Variants in NUP153 observed in about 807,000 individuals in gnomAD.
NUP153 encodes the protein nucleoporin 153.
A neutral mutation model predicts 134.6 loss-of-function variants in NUP153; 27 were observed. The ratio of observed to expected loss-of-function variants is 0.20; its 90% CI spans 0.15 to 0.28. NUP153 has a LOEUF of 0.28. Ranked by LOEUF, NUP153 falls within the 10% of genes least tolerant of loss-of-function variation. The pLI is 1.00. For synonymous variants in NUP153, 640 were observed against 623.5 expected (o/e 1.03, Z -0.40); for missense variants, 1,821 against 1,731.3 (o/e 1.05, Z -0.92).
intron 2 of NUP153, among the ~76,000 whole-genome samples, chr6:17,687,852 C>T (rs1362648990): frequency 2.6e-5 from 4 of 152,130 alleles, no homozygotes; most frequent in Non-Finnish European, 4.4e-5. Context: ...CGGTGGCTCA[C>T]GCCTGTAATC....
At chr6:17,639,039 T>C (rs1325302073) in intron 15 of NUP153, among the ~76,000 whole-genome samples, 4 of 152,150 alleles carry the variant, frequency 2.6e-5, no homozygotes, top group African/African-American at 9.7e-5. Flanking sequence ...GCTATTAGAT[T>C]ATCTCACAGT....
At chr6:17,699,819 A>G (rs894826120) in intron 1 of NUP153, among the ~76,000 whole-genome samples, 2 of 152,096 alleles carry the variant, frequency 1.3e-5, no homozygotes, top group Admixed American at 6.6e-5. Context: ...TGGGTGACAG[A>G]GCTAGATTCT....
intron 11 of NUP153, among the ~76,000 whole-genome samples, chr6:17,656,079 C>T (rs1487061129): frequency 6.6e-6 from 1 of 151,816 alleles, no homozygotes; most frequent in Non-Finnish European, 1.5e-5. Context: ...GTGGCGTACG[C>T]TTGTAATCCC....
chr6:17,637,546 T>C lies in NUP153; in HGVS notation c.2071A>G (p.Thr691Ala). ...GTTTCAATTCCAGTCTGTTTAGCAG[T>C]ATCTCTGGGTGACAATTTTGCTGCT... ...CQAAKLSPRD[T>A]AKQTGIETPN... The change falls in exon 16 of 22, where the codon ACT (threonine) becomes GCT (alanine). Residue 691 changes from threonine to alanine, a missense_variant. Transcript: ENST00000262077. 6.2e-7 allele frequency: 1 copy of C among 1,614,240 alleles called. No individual in the cohort carries two copies. Among genetic ancestry groups the C allele is most frequent in the Admixed American group, 1.7e-5 (1 of 60,030 alleles).
Position 17,680,782 on chromosome 6 carries a change from T to C in NUP153, c.335-5012A>G, listed in dbSNP as rs1768528660. ...TCAAAAAGGCAATAATGGATGCTGG[T>C]GAGGATGTAGAGAAAGGAGAATCCT... On this transcript the variant is annotated intron_variant, in intron 2 of 21. Transcript: ENST00000262077. The surrounding 1 kb of genome is among the most constrained non-coding windows in gnomAD (Gnocchi z 4.5). Among the ~76,000 whole-genome samples the C allele has an allele frequency of 6.6e-6, 1 of 152,136 alleles. No homozygotes were observed. Among genetic ancestry groups the C allele is most frequent in the South Asian group, 2.1e-4 (1 of 4,828 alleles).
chr6:17,686,892 G>A (rs184727480), intron 2 of NUP153, among the ~76,000 whole-genome samples: 2,103 of 146,332 alleles, frequency 0.014, 28 homozygotes, highest in Middle Eastern at 0.032. Flanking sequence ...GGGGGCGGGC[G>A]GCGGGGGAGG....
At chr6:17,648,843 C>T (rs1477017902) in intron 12 of NUP153, among the ~76,000 whole-genome samples, 1 of 151,820 alleles carries the variant, frequency 6.6e-6, no homozygotes, top group African/African-American at 2.4e-5. Flanking sequence ...AGATGTTACG[C>T]CTAGCTGAGA....
Position 17,675,112 on chromosome 6 carries a change from C to T in NUP153, c.724-79G>A. 6.4e-7 allele frequency: 1 copy of T among 1,556,726 alleles called. No homozygotes were observed. Among genetic ancestry groups the T allele is most frequent in the South Asian group, 1.2e-5 (1 of 85,806 alleles). On this transcript the variant is annotated intron_variant, in intron 4 of 21. Coordinates refer to ENST00000262077, the MANE Select transcript of NUP153 (RefSeq NM_005124.4). This position sits in a 1 kb window ranked among gnomAD's most constrained non-coding sequence, Gnocchi z 4.4. ...GTTGCAGTGAGTTAAGATCATGCTG[C>T]TACACACTCAAGCCTGGGCAACAGC...
chr6:17,689,408 TAAAC>T (rs775015436), intron 1 of NUP153, among the ~76,000 whole-genome samples: 18 of 147,446 alleles, frequency 1.2e-4, no homozygotes, highest in Middle Eastern at 3.5e-3. Context: ...ACAAAACAAA[TAAAC>T]AAACAAAAAA....
chr6:17,676,979 G>GA (rs1273186704), intron 2 of NUP153, among the ~76,000 whole-genome samples: 4 of 152,076 alleles, frequency 2.6e-5, no homozygotes, highest in Non-Finnish European at 5.9e-5. Flanking sequence ...CGTGCTAGGG[G>GA]AAAAAAACAA....
rs759111334 is a variant in NUP153 at position 17,675,812 on chromosome 6, G to A, written c.335-42C>T. The stretch of plus-strand genomic sequence containing the variant: ...TAATATTATGAATATACAACTTAGA[G>A]CGATACACTACCACAAATGGTTTTT... On this transcript the variant is annotated intron_variant, in intron 2 of 21. Coordinates refer to ENST00000262077, the MANE Select transcript of NUP153 (RefSeq NM_005124.4). This position sits in a 1 kb window ranked among gnomAD's most constrained non-coding sequence, Gnocchi z 4.4. 3.2e-5 allele frequency: 50 copies of A among 1,575,372 alleles called. No individual in the cohort carries two copies. Among genetic ancestry groups the A allele is most frequent in the Non-Finnish European group, 4.3e-5 (49 of 1,145,294 alleles).
chr6:17,668,886 C>A, intron 8 of NUP153, 89 bp downstream of exon 8: 1 of 893,102 alleles, frequency 1.1e-6, no homozygotes, highest in Non-Finnish European at 1.8e-6. Context: ...TCCCTAATGT[C>A]TAAACTAAAT....
chr6:17,626,244 T>G, intron 18 of NUP153, 80 bp from the exon 19 acceptor site: 1 of 1,041,906 alleles, frequency 9.6e-7, no homozygotes, highest in Non-Finnish European at 1.4e-6. Context: ...CTACAATTGC[T>G]AGAATTTTCC....
intron 14 of NUP153, among the ~76,000 whole-genome samples, chr6:17,641,045 T>C (rs879279647): frequency 1.3e-5 from 2 of 152,194 alleles, no homozygotes; most frequent in Non-Finnish European, 2.9e-5. Flanking sequence ...GCTTTTACTT[T>C]TTATGCTTTC....
intron 8 of NUP153, among the ~76,000 whole-genome samples, chr6:17,668,561 G>A (rs1189621666): frequency 6.6e-6 from 1 of 151,982 alleles, no homozygotes; most frequent in Non-Finnish European, 1.5e-5. Flanking sequence ...CTATTTTTCA[G>A]GGTCAGGCAC....
chr6:17,616,206 T>C (rs2113754700), intron 21 of NUP153, 25 bp from the exon 22 acceptor site: 4 of 1,544,150 alleles, frequency 2.6e-6, no homozygotes, highest in Non-Finnish European at 3.5e-6. Flanking sequence ...AACTTCATAA[T>C]GTGACATGAT....
intron 12 of NUP153, 58 bp from the exon 13 acceptor site, chr6:17,647,963 G>A (rs1383317079): frequency 1.2e-5 from 12 of 1,028,534 alleles, no homozygotes; most frequent in Admixed American, 7.9e-5. Flanking sequence ...AAAATAAAGT[G>A]ACAAAAAAGA....
chr6:17,704,084 A>AG (rs1050534769), intron 1 of NUP153, among the ~76,000 whole-genome samples: 1 of 152,218 alleles, frequency 6.6e-6, no homozygotes, highest in African/African-American at 2.4e-5. Flanking sequence ...CGAGGTCAGG[A>AG]GATCGAGATC....
chr6:17,662,340 A>G (rs544715537), intron 9 of NUP153, among the ~76,000 whole-genome samples: 2 of 152,308 alleles, frequency 1.3e-5, no homozygotes, highest in South Asian at 4.1e-4. Context: ...TAACCACAAA[A>G]TTACTTTACT....
Sources: gnomAD v4.1 joint callset for allele counts (sites outside exome capture counted in the v4.1 genomes callset) on GRCh38, gnomAD v4.1.1 for gene constraint, Gnocchi (gnomAD v3.1) non-coding constraint, MANE v1.5 for transcripts, NCBI Gene and HGNC (gene_info 2026-07-23, HGNC 2026-07-21) for gene names.